The following GTF2E2 variants were observed in gnomAD, a reference collection of about 807,000 sequenced individuals.
GTF2E2 encodes transcription initiation factor IIE subunit beta.
A neutral mutation model predicts 40.5 loss-of-function variants in GTF2E2; 21 were observed. The ratio of observed to expected loss-of-function variants is 0.52; its 90% CI spans 0.37 to 0.75. The LOEUF (loss-of-function observed/expected upper bound fraction) is 0.75. Ranked by LOEUF, GTF2E2 falls within the 30% of genes least tolerant of loss-of-function variation. The pLI, the probability that GTF2E2 is intolerant of heterozygous loss-of-function variation, is 0.00. For missense variants in GTF2E2, 298 were observed against 338.4 expected (o/e 0.88, Z 0.94); for synonymous variants, 117 against 121.6 (o/e 0.96, Z 0.25).
intron 6 of GTF2E2, among the ~76,000 whole-genome samples, chr8:30,595,810 CCA>C (rs920061214): frequency 9.3e-5 from 14 of 150,796 alleles, no homozygotes; most frequent in African/African-American, 3.4e-4. Flanking sequence ...CTCGCCTGGG[CCA>C]CAGAGTCAGA....
chr8:30,638,395 G>T (rs568316155), intron 2 of GTF2E2, among the ~76,000 whole-genome samples: 9 of 152,162 alleles, frequency 5.9e-5, no homozygotes, highest in African/African-American at 2.2e-4. Context: ...TCCTATATAG[G>T]AATTTAGCTT....
At chr8:30,646,708 A>G (rs998060930) in intron 2 of GTF2E2, among the ~76,000 whole-genome samples, 30 of 152,234 alleles carry the variant, frequency 2.0e-4, no homozygotes, top group Admixed American at 1.9e-3. Context: ...AAGGCCAGGC[A>G]CAGTGGCTCA....
chr8:30,644,432 T>C (rs1184320989), intron 2 of GTF2E2: 5 of 152,214 alleles, frequency 3.3e-5, no homozygotes, highest in Non-Finnish European at 7.3e-5. Context: ...TAAAATTTTA[T>C]TATCCTCATT....
chr8:30,593,916 T>C (rs1158572284), intron 6 of GTF2E2, among the ~76,000 whole-genome samples: 1 of 151,496 alleles, frequency 6.6e-6, no homozygotes, highest in Non-Finnish European at 1.5e-5. Flanking sequence ...TTAACCTGTC[T>C]ATATTTATTT....
Position 30,633,761 on chromosome 8 carries a change from T to C in GTF2E2, c.258+1271A>G, listed in dbSNP as rs113689270. On this transcript the variant is annotated intron_variant, in intron 3 of 7. Transcript: ENST00000355904. ...CACCATTAGTGCCCTAAACAGCCAA[T>C]AGATTTTCATAACTGCTTACCATGT... Among the ~76,000 whole-genome samples, 1,420 of 152,282 alleles carry C rather than the reference T, an allele frequency of 9.3e-3. 10 individuals carry two copies. The highest frequency in any genetic ancestry group is 0.015 in the Non-Finnish European group (1,024 of 68,024).
At chr8:30,624,696 G>A (rs1198831521) in intron 3 of GTF2E2, among the ~76,000 whole-genome samples, 1 of 151,902 alleles carries the variant, frequency 6.6e-6, no homozygotes, top group Non-Finnish European at 1.5e-5. Flanking sequence ...ATTGAGCAGT[G>A]GTTTGTAGTT....
intron 5 of GTF2E2, among the ~76,000 whole-genome samples, chr8:30,607,886 G>C (rs1308556040): frequency 6.6e-6 from 1 of 152,062 alleles, no homozygotes; most frequent in Non-Finnish European, 1.5e-5. Context: ...TAAGAAAATA[G>C]AAGAATGATT....
intron 2 of GTF2E2, among the ~76,000 whole-genome samples, chr8:30,640,497 T>C (rs184646346): frequency 6.6e-6 from 1 of 151,902 alleles, no homozygotes; most frequent in Admixed American, 6.6e-5. Flanking sequence ...TAAAAAAAAA[T>C]TATGTGATTT....
Position 30,628,186 on chromosome 8 carries a change from A to G in GTF2E2, c.258+6846T>C, listed in dbSNP as rs147199792. 3.5e-3 allele frequency among the ~76,000 whole-genome samples: 537 copies of G among 152,332 alleles called. 4 individuals are homozygous for G. The highest frequency in any genetic ancestry group is 0.01 in the Middle Eastern group (3 of 294). On this transcript the variant is annotated intron_variant, in intron 3 of 7. Coordinates refer to ENST00000355904, the MANE Select transcript of GTF2E2 (RefSeq NM_002095.6). ...GGGTGAAGGTTCCTTTCTTATCCCA[A>G]GCTTCTGCCCAACTGAGAACAAGTA...
At chr8:30,639,980 T>G (rs770166862) in intron 2 of GTF2E2, among the ~76,000 whole-genome samples, 1 of 152,116 alleles carries the variant, frequency 6.6e-6, no homozygotes, top group Non-Finnish European at 1.5e-5. Flanking sequence ...TAAAAATAAC[T>G]TTGTCAAATA....
At chr8:30,586,498 T>C (rs370143568) in intron 6 of GTF2E2, among the ~76,000 whole-genome samples, 5 of 152,258 alleles carry the variant, frequency 3.3e-5, no homozygotes, top group African/African-American at 1.2e-4. Flanking sequence ...GCAATCCCTA[T>C]AAAAATTCCA....
intron 3 of GTF2E2, among the ~76,000 whole-genome samples, chr8:30,628,568 G>C (rs1456033307): frequency 6.6e-6 from 1 of 152,174 alleles, no homozygotes; most frequent in South Asian, 2.1e-4. Context: ...ATTGAGAAAG[G>C]CTGCTCTATT....
intron 6 of GTF2E2, among the ~76,000 whole-genome samples, chr8:30,582,189 G>C (rs548668200): frequency 2.6e-5 from 4 of 152,032 alleles, no homozygotes; most frequent in South Asian, 2.1e-4. Context: ...TTGTTTCTGG[G>C]GGGGTGGGGG....
chr8:30,615,656 C>T (rs748787593), intron 3 of GTF2E2, among the ~76,000 whole-genome samples: 2 of 152,258 alleles, frequency 1.3e-5, no homozygotes, highest in African/African-American at 4.8e-5. Context: ...AACACACACA[C>T]ACACGTAGAT....
chr8:30,625,217 A>G (rs1303417495), intron 3 of GTF2E2, among the ~76,000 whole-genome samples: 1 of 151,974 alleles, frequency 6.6e-6, no homozygotes, highest in Non-Finnish European at 1.5e-5. Flanking sequence ...TTTTTTTAGT[A>G]TGAAGCGCTG....
At chr8:30,640,341 C>T (rs1167402561) in intron 2 of GTF2E2, among the ~76,000 whole-genome samples, 1 of 152,168 alleles carries the variant, frequency 6.6e-6, no homozygotes, top group South Asian at 2.1e-4. Flanking sequence ...CAGAACAGTT[C>T]CAAGTCCCAT....
At chr8:30,611,696 T>C (rs374233415) in intron 5 of GTF2E2, among the ~76,000 whole-genome samples, 5 of 152,302 alleles carry the variant, frequency 3.3e-5, no homozygotes, top group African/African-American at 1.2e-4. Flanking sequence ...CTGACATGTA[T>C]AATTCCATTA....
At chr8:30,645,543 C>A (rs1802039362) in intron 2 of GTF2E2, 1 of 1,535,516 alleles carries the variant, frequency 6.5e-7, no homozygotes, top group Non-Finnish European at 8.7e-7. Flanking sequence ...GTGAACCCAA[C>A]CCTCTTAGAA....
chr8:30,646,585 A>G (rs1802083398), intron 2 of GTF2E2, among the ~76,000 whole-genome samples: 1 of 152,232 alleles, frequency 6.6e-6, no homozygotes, highest in Admixed American at 6.5e-5. Flanking sequence ...GTACAAGCTC[A>G]AGGTACAAAG....
Sources: gnomAD v4.1 joint callset for allele counts (sites outside exome capture counted in the v4.1 genomes callset) on GRCh38, gnomAD v4.1.1 for gene constraint, MANE v1.5 for transcripts, NCBI Gene and HGNC (gene_info 2026-07-23, HGNC 2026-07-21) for gene names.